Variants in EXPH5 observed in about 807,000 individuals in gnomAD.
EXPH5 encodes the protein exophilin-5.
EXPH5 carries 42 observed loss-of-function variants against 41.1 expected under a neutral mutation model. The observed-to-expected ratio is 1.02, with a 90% CI of 0.80 to 1.32. EXPH5 has a LOEUF of 1.32. EXPH5 is among the 40% of genes most tolerant of loss of function. The pLI, the probability that EXPH5 is intolerant of heterozygous loss-of-function variation, is 0.00. For missense variants in EXPH5, 2,298 were observed against 2,314.5 expected, an observed-to-expected ratio of 0.99 and a Z score of 0.15; for synonymous variants, 798 against 833.5, an observed-to-expected ratio of 0.96 and a Z score of 0.73.
chr11:108,566,065 A>T (rs2094033267), intron 1 of EXPH5, among the ~76,000 whole-genome samples: 1 of 152,236 alleles, frequency 6.6e-6, no homozygotes, highest in Non-Finnish European at 1.5e-5. Flanking sequence ...TTGGTGGAAA[A>T]AGATATGTAC....
At position 108,529,135 on chromosome 11, in the gene EXPH5, T is replaced by TA. The variant is rs1184032053; in HGVS notation, c.444-952dup. Among the ~76,000 whole-genome samples the TA allele has an allele frequency of 7.6e-4, 109 of 143,596 alleles. 1 individual carries two copies. Among genetic ancestry groups the TA allele is most frequent in the African/African-American group, 1.8e-3 (69 of 39,108 alleles). The allele number at this position is 143,596 out of a possible 152,430, so 94.2% of individuals were successfully genotyped here. On this transcript the variant is annotated intron_variant, in intron 3 of 5. Transcript: ENST00000265843. ...AGATTTAACAGTACATAATTTAAAG[T>TA]AAAAAAAAAAAGAGAGAAAAAAACC...
chr11:108,573,167 A>AGAAT (rs2094067570), intron 1 of EXPH5, among the ~76,000 whole-genome samples: 1 of 145,644 alleles, frequency 6.9e-6, no homozygotes, highest in Admixed American at 6.8e-5. Context: ...AAAGAAAGAA[A>AGAAT]GAAAGAAAGA....
In EXPH5 at chr11:108,514,343, G is replaced by A. The variant is rs1177163933; in HGVS notation, c.1164C>T (p.Phe388=). The change falls in exon 6 of 6, where the codon TTC becomes TTT. Residue 388 remains phenylalanine, a synonymous_variant. Coordinates refer to ENST00000265843, the MANE Select transcript of EXPH5 (RefSeq NM_015065.3). ...TTTCCATTGGTGATGGTGCCCTCAG[G>A]AACTCTTCCTGGTTCTCCCTGTCTC... The part of the protein sequence containing the change: ...SSRDRENQEE[F]LRAPSPMEID... 1.2e-6 allele frequency: 2 copies of A among 1,613,332 alleles called. No homozygotes were observed. The highest frequency in any genetic ancestry group is 1.3e-5 in the African/African-American group (1 of 74,900).
At chr11:108,605,401 T>C in the EXPH5 span, among the ~76,000 whole-genome samples, 1 of 152,212 alleles carries the variant, frequency 6.6e-6, no homozygotes, top group Non-Finnish European at 1.5e-5. Flanking sequence ...TGTGACATAT[T>C]AGAACAGTTG....
At chr11:108,556,286 G>A (rs1450047005) in intron 1 of EXPH5, among the ~76,000 whole-genome samples, 2 of 151,408 alleles carry the variant, frequency 1.3e-5, no homozygotes, top group East Asian at 3.9e-4. Flanking sequence ...TGAATCTGCT[G>A]TCTTTTTTTT....
chr11:108,529,491 T>A (rs1159175150), intron 3 of EXPH5, among the ~76,000 whole-genome samples: 1 of 152,148 alleles, frequency 6.6e-6, no homozygotes, highest in African/African-American at 2.4e-5. Context: ...AGCCACTGCG[T>A]CTGGCATAAT....
At position 108,587,911 on chromosome 11, in the gene EXPH5, C is replaced by A. The variant is rs553511362; in HGVS notation, c.119+5507G>T. ...GGGCTTATAGGTGCCAGCCACCAAG[C>A]CTGGCTAATTTTTGTATTTTTAGTA... On this transcript the variant is annotated intron_variant, in intron 1 of 5. Transcript: ENST00000265843. 8.3e-4 allele frequency among the ~76,000 whole-genome samples: 126 copies of A among 152,216 alleles called. 1 individual carries two copies. The highest frequency in any genetic ancestry group is 2.7e-3 in the African/African-American group (111 of 41,536).
upstream of EXPH5, among the ~76,000 whole-genome samples, chr11:108,597,099 A>C (rs1417154519): frequency 6.6e-6 from 1 of 152,132 alleles, no homozygotes; most frequent in Non-Finnish European, 1.5e-5. Context: ...CTGTTGGCCA[A>C]ATCCCCACCA....
chr11:108,509,264 G>A lies in EXPH5; in HGVS notation c.*273C>T. ...AAGCAGAAAGCCCAAATCAGACAGT[G>A]AATCAGGGATTAAGTGGGAGTGGTG... is the stretch of plus-strand genomic sequence containing the variant. On this transcript the variant is annotated 3_prime_UTR_variant, in exon 6 of 6. Coordinates refer to ENST00000265843, the MANE Select transcript of EXPH5 (RefSeq NM_015065.3). The A allele has an allele frequency of 3.5e-6, 1 of 289,308 alleles. No homozygotes were observed. Among genetic ancestry groups the A allele is most frequent in the Non-Finnish European group, 6.4e-6 (1 of 156,748 alleles). 17.9% of individuals were successfully genotyped at this position (289,308 alleles called of 1,614,324 possible). A position where few individuals can be genotyped will look rare whatever the true frequency, so the allele number is the denominator to read the frequency against.
At chr11:108,567,354 G>A (rs2094038956) in intron 1 of EXPH5, among the ~76,000 whole-genome samples, 1 of 152,192 alleles carries the variant, frequency 6.6e-6, no homozygotes, top group Non-Finnish European at 1.5e-5. Flanking sequence ...GAAGCATTAA[G>A]CCATAATTGG....
At chr11:108,532,783 A>G (rs1280968338) in intron 3 of EXPH5, among the ~76,000 whole-genome samples, 1 of 152,178 alleles carries the variant, frequency 6.6e-6, no homozygotes, top group Non-Finnish European at 1.5e-5. Flanking sequence ...TGCCTAAAAC[A>G]CTTTTCTACC....
chr11:108,573,198 A>AAAGAAAGAAAG, intron 1 of EXPH5, among the ~76,000 whole-genome samples: 1 of 108,278 alleles, frequency 9.2e-6, no homozygotes, highest in African/African-American at 4.1e-5. Flanking sequence ...GAAAGAAAGA[A>AAAGAAAGAAAG]AAAGAAAGAA....
chr11:108,552,519 G>T (rs958961729), intron 1 of EXPH5, among the ~76,000 whole-genome samples: 2 of 152,078 alleles, frequency 1.3e-5, no homozygotes, highest in African/African-American at 4.8e-5. Flanking sequence ...CAAAATAATG[G>T]CACCAGCTTT....
chr11:108,569,368 C>T (rs1169454322), intron 1 of EXPH5, among the ~76,000 whole-genome samples: 2 of 152,118 alleles, frequency 1.3e-5, no homozygotes, highest in Non-Finnish European at 2.9e-5. Flanking sequence ...GAGACAGAGC[C>T]TCTCTCTGTC....
intron 1 of EXPH5, among the ~76,000 whole-genome samples, chr11:108,582,154 C>T (rs1421271050): frequency 6.6e-6 from 1 of 152,262 alleles, no homozygotes; most frequent in East Asian, 1.9e-4. Flanking sequence ...GAATTACTGA[C>T]ACCAAAACCA....
At chr11:108,538,087 C>A in intron 3 of EXPH5, 1 of 985,418 alleles carries the variant, frequency 1.0e-6, no homozygotes, top group Non-Finnish European at 1.2e-6. Flanking sequence ...GTGAAAAACC[C>A]TCCATTCACC....
At chr11:108,605,621 A>G in the EXPH5 span, among the ~76,000 whole-genome samples, 1 of 152,222 alleles carries the variant, frequency 6.6e-6, no homozygotes, top group East Asian at 1.9e-4. Context: ...GCTGAGGCCA[A>G]GAAACTTTGT....
At chr11:108,516,794 G>A (rs2135942116) in intron 5 of EXPH5, among the ~76,000 whole-genome samples, 1 of 152,236 alleles carries the variant, frequency 6.6e-6, no homozygotes, top group East Asian at 1.9e-4. Flanking sequence ...AATTATCTGT[G>A]AATGTTTTAG....
chr11:108,540,086 G>A (rs2093904257), intron 2 of EXPH5, among the ~76,000 whole-genome samples: 2 of 152,152 alleles, frequency 1.3e-5, no homozygotes, highest in Non-Finnish European at 2.9e-5. Flanking sequence ...GGGAGGCTGA[G>A]GTGGGCGGTG....
Sources: allele counts gnomAD v4.1 joint callset (sites outside exome capture counted in the v4.1 genomes callset), GRCh38; gene constraint gnomAD v4.1.1; transcripts MANE v1.5; gene names NCBI Gene and HGNC (gene_info 2026-07-23, HGNC 2026-07-21).